Variants in LRP2 observed in about 807,000 individuals in gnomAD.
The protein encoded by LRP2 is LDL receptor related protein 2, also known as low-density lipoprotein receptor-related protein 2.
Under a neutral mutation model 531.0 loss-of-function variants are expected in LRP2, and 172 were observed. That is an observed-to-expected ratio of 0.32 (90% confidence interval 0.29 to 0.37). LRP2 has a LOEUF of 0.37. LRP2 is among the 10% of genes least tolerant of loss of function. LRP2 has a pLI of 1.00. For missense variants in LRP2, 5,167 were observed against 5,868.3 expected, an observed-to-expected ratio of 0.88 and a Z score of 3.90; for synonymous variants, 1,992 against 2,027.6, an observed-to-expected ratio of 0.98 and a Z score of 0.47.
intron 56 of LRP2, 88 bp from the exon 57 acceptor site, chr2:169,173,312 T>C: frequency 6.6e-7 from 1 of 1,521,558 alleles, no homozygotes; most frequent in South Asian, 1.1e-5. Context: ...TACTGAGGAA[T>C]AACAATGACC....
At chr2:169,202,704 T>G in intron 43 of LRP2, 52 bp downstream of exon 43, 10 of 1,567,544 alleles carry the variant, frequency 6.4e-6, no homozygotes, top group Non-Finnish European at 8.8e-6. Context: ...ACCAAACACT[T>G]GACATCAAGA....
chr2:169,257,573 C>T (rs1418146327), intron 17 of LRP2, among the ~76,000 whole-genome samples: 1 of 151,916 alleles, frequency 6.6e-6, no homozygotes, highest in Non-Finnish European at 1.5e-5. Flanking sequence ...TTAAATATTC[C>T]ACGTTATTAA....
intron 16 of LRP2, among the ~76,000 whole-genome samples, 178 bp from the exon 17 acceptor site, chr2:169,259,395 G>A (rs1326892051): frequency 1.4e-5 from 2 of 146,248 alleles, no homozygotes; most frequent in African/African-American, 2.5e-5. Context: ...AATAACATGA[G>A]ACAAACCTAG....
rs202154723 is a variant in LRP2 at position 169,279,549 on chromosome 2, T to C, written c.1388A>G (p.Asn463Ser). ...GTTCTCTGGGGTTTCAACAGAAACA[T>C]TGAGAACCTCTTGGATATTTAAACC... ...INGLNIQEVL[N>S]VSVETPENLA... is the part of the protein sequence containing the mutation. The change falls in exon 12 of 79, where the codon AAT becomes AGT. Residue 463 changes from asparagine to serine, a missense_variant. This residue lies in a region of LRP2 where 2,811 missense variants were observed against 3,058.0 expected (regional missense o/e 0.92). Transcript: ENST00000649046. 6.8e-5 allele frequency: 110 copies of C among 1,613,872 alleles called. No individual in the cohort carries two copies. Among genetic ancestry groups the C allele is most frequent in the Non-Finnish European group, 8.9e-5 (105 of 1,179,916 alleles).
rs1559013 is a variant in LRP2, at chr2:169,362,306, T to C, written c.79+15A>G. 1 allele frequency: 1,548,703 copies of C among 1,551,864 alleles called. 772,835 individuals carry two copies. The highest frequency in any genetic ancestry group is 1 in the East Asian group (41,130 of 41,130). On this transcript the variant is annotated intron_variant, in intron 1 of 78. Transcript: ENST00000649046. ...GAAGTGGGGGCTCCACGAGAGGCTC[T>C]GGCTGGGCTCTTACCTTGGCCACTG... is the stretch of plus-strand genomic sequence containing the variant.
chr2:169,291,236 A>G (rs1333298064), intron 7 of LRP2, among the ~76,000 whole-genome samples: 1 of 152,236 alleles, frequency 6.6e-6, no homozygotes, highest in East Asian at 1.9e-4. Context: ...GTAGGGTTAT[A>G]AGAGGAAGAA....
intron 54 of LRP2, 135 bp downstream of exon 54, chr2:169,176,276 G>A (rs1022593034): frequency 3.1e-5 from 29 of 923,982 alleles, no homozygotes; most frequent in Non-Finnish European, 4.6e-5. Flanking sequence ...TGAGAGTCTT[G>A]CTGTGTTCCA....
At position 169,271,011 on chromosome 2, in the gene LRP2, C is replaced by G. The variant is rs762447103; in HGVS notation, c.2213G>C (p.Gly738Ala). 52 of 1,613,052 alleles carry G rather than the reference C, an allele frequency of 3.2e-5. No homozygotes were observed. Among genetic ancestry groups the G allele is most frequent in the Non-Finnish European group, 3.3e-5 (39 of 1,179,564 alleles). Residue 738 changes from glycine (G) to alanine (A), a missense_variant, in exon 16 of 79, where the codon GGG becomes GCG. Transcript: ENST00000649046. ...TQEDVMVPVS[G>A]NPSFFVGIDF... ...AATCCCGACAAAGAAAGAAGGATTC[C>G]CCGAAACTGGAACCATGACATCTTC...
intron 33 of LRP2, among the ~76,000 whole-genome samples, chr2:169,221,590 AG>A (rs1190627621): frequency 6.6e-6 from 1 of 152,230 alleles, no homozygotes; most frequent in Admixed American, 6.5e-5. Flanking sequence ...TTTTGCATTA[AG>A]GTTTTTCTAT....
chr2:169,215,415 A>C (rs920627015), intron 35 of LRP2, among the ~76,000 whole-genome samples: 1 of 152,194 alleles, frequency 6.6e-6, no homozygotes, highest in Non-Finnish European at 1.5e-5. Flanking sequence ...TATTTCAATG[A>C]GTGAACGAGA....
intron 3 of LRP2, among the ~76,000 whole-genome samples, chr2:169,315,484 G>A (rs747016517): frequency 2.6e-5 from 4 of 152,256 alleles, no homozygotes; most frequent in South Asian, 2.1e-4. Flanking sequence ...GTCTAGAACC[G>A]AGCATTCAGC....
chr2:169,131,121 C>T (rs1021249096), intron 77 of LRP2, among the ~76,000 whole-genome samples: 3 of 152,094 alleles, frequency 2.0e-5, no homozygotes, highest in Non-Finnish European at 4.4e-5. Context: ...TTCAAGCATC[C>T]GTGTGTCTGT....
At chr2:169,135,487 G>A (rs1040100994) in intron 76 of LRP2, among the ~76,000 whole-genome samples, 10 of 152,060 alleles carry the variant, frequency 6.6e-5, no homozygotes, top group Non-Finnish European at 1.5e-4. Flanking sequence ...TATACAGTCC[G>A]ACAGTGGACC....
intron 50 of LRP2, among the ~76,000 whole-genome samples, chr2:169,182,906 A>C (rs1687493963): frequency 6.6e-6 from 1 of 152,216 alleles, no homozygotes; most frequent in African/African-American, 2.4e-5. Flanking sequence ...TCTGTTAGAA[A>C]CTGCTACCTC....
In LRP2 at chr2:169,290,939, C is replaced by T. The variant is rs146048301; in HGVS notation, c.828G>A (p.Ser276=). 4.2e-4 allele frequency: 671 copies of T among 1,613,904 alleles called. No homozygotes were observed. The highest frequency in any genetic ancestry group is 6.6e-4 in the Middle Eastern group (4 of 6,084). Residue 276 remains serine (S), a synonymous_variant, in exon 8 of 79, where the codon TCG becomes TCA. Transcript: ENST00000649046. ...CSPREWSCPE[S]GRCISIYKVC... is the part of the protein sequence containing the mutation. Reference sequence around the variant, plus strand: ...CTTTATAAATGGAGATGCATCGTCCCGACTCTGGGCAAGACCATTCTCTTG... The same window carrying T: ...CTTTATAAATGGAGATGCATCGTCCTGACTCTGGGCAAGACCATTCTCTTG...
At chr2:169,342,933 G>T (rs907908519) in intron 1 of LRP2, among the ~76,000 whole-genome samples, 4 of 152,152 alleles carry the variant, frequency 2.6e-5, no homozygotes, top group African/African-American at 9.7e-5. Flanking sequence ...AGGAACTTTT[G>T]CAAGAGAGAA....
At chr2:169,176,306 C>A (rs999877992) in intron 54 of LRP2, 105 bp downstream of exon 54, 56 of 1,354,992 alleles carry the variant, frequency 4.1e-5, no homozygotes, top group Non-Finnish European at 5.1e-5. Context: ...AGTTAATTAA[C>A]CAAAATCTTG....
chr2:169,206,181 C>A lies in LRP2; in HGVS notation c.7398G>T (p.Gly2466=). 6.2e-7 allele frequency: 1 copy of A among 1,614,168 alleles called. No homozygotes were observed. The highest frequency in any genetic ancestry group is 8.5e-7 in the Non-Finnish European group (1 of 1,180,026). Residue 2466 remains glycine (G), a synonymous_variant, in exon 40 of 79, where the codon GGG becomes GGT. Coordinates refer to ENST00000649046, the MANE Select transcript of LRP2 (RefSeq NM_004525.3). ...AGTCAAAGGCAATGCCATCAGCAGT[C>A]CCTATACCTGGACACATACAGGCAG... is the stretch of plus-strand genomic sequence containing the variant. The part of the protein sequence containing the change: ...HTPTVIASGI[G]TADGIAFDWI...
chr2:169,192,095 T>C, intron 47 of LRP2, 62 bp from the exon 48 acceptor site: 1 of 1,336,546 alleles, frequency 7.5e-7, no homozygotes, highest in Non-Finnish European at 1.1e-6. Context: ...TTAATTCTCT[T>C]TGCTTTAATG....
Sources: gnomAD v4.1 joint callset for allele counts (sites outside exome capture counted in the v4.1 genomes callset) on GRCh38, gnomAD v4.1.1 for gene constraint, gnomAD v4.1.1 regional missense constraint, MANE v1.5 for transcripts, NCBI Gene and HGNC (gene_info 2026-07-23, HGNC 2026-07-21) for gene names.